CCDC141: variants seen among roughly 807,000 people sequenced by gnomAD.
CCDC141 encodes coiled-coil domain-containing protein 141.
In CCDC141, 168 loss-of-function variants were observed where a neutral mutation model predicts 181.0. That is an observed-to-expected ratio of 0.93 (90% CI 0.82 to 1.05). The LOEUF (loss-of-function observed/expected upper bound fraction) is 1.05, where lower values mean the gene tolerates loss of function less well. CCDC141 is among the 50% of genes least tolerant of loss of function. The pLI, the probability that CCDC141 is intolerant of heterozygous loss-of-function variation, is 0.00. For synonymous variants in CCDC141, 666 were observed against 642.3 expected (o/e 1.04, Z -0.56); for missense variants, 1,902 against 1,788.5 (o/e 1.06, Z -1.14).
chr2:179,029,670 T>G (rs1442101289), intron 2 of CCDC141, among the ~76,000 whole-genome samples: 1 of 152,156 alleles, frequency 6.6e-6, no homozygotes, highest in Non-Finnish European at 1.5e-5. Context: ...AAAATCCTAT[T>G]TGCAAGCTTA....
At chr2:179,015,538 G>GAT (rs1290518598) in intron 2 of CCDC141, among the ~76,000 whole-genome samples, 8 of 75,438 alleles carry the variant, frequency 1.1e-4, no homozygotes, top group Admixed American at 3.3e-4. Flanking sequence ...TCATATATAT[G>GAT]ATATATATAT....
At chr2:178,941,645 G>A (rs576780458) in intron 6 of CCDC141, among the ~76,000 whole-genome samples, 17 of 151,674 alleles carry the variant, frequency 1.1e-4, no homozygotes, top group Admixed American at 8.5e-4. Context: ...ATAAATAAAC[G>A]AACCTCCCCC....
At chr2:178,870,925 C>A (rs1686088736) in intron 14 of CCDC141, among the ~76,000 whole-genome samples, 3 of 151,996 alleles carry the variant, frequency 2.0e-5, no homozygotes, top group Admixed American at 1.3e-4. Context: ...GGTTTTATTG[C>A]TCATATCCTG....
At chr2:179,035,818 C>G (rs1432077384) in intron 2 of CCDC141, among the ~76,000 whole-genome samples, 2 of 152,164 alleles carry the variant, frequency 1.3e-5, no homozygotes, top group African/African-American at 2.4e-5. Flanking sequence ...TCATATTACT[C>G]TAAACAGTCA....
intron 2 of CCDC141, among the ~76,000 whole-genome samples, chr2:178,979,761 G>A (rs1325593974): frequency 6.6e-6 from 1 of 152,124 alleles, no homozygotes; most frequent in South Asian, 2.1e-4. Flanking sequence ...CCACAGTAAA[G>A]ACACTCATGA....
At chr2:178,870,628 G>A (rs1013363772) in intron 14 of CCDC141, among the ~76,000 whole-genome samples, 1 of 152,084 alleles carries the variant, frequency 6.6e-6, no homozygotes, top group South Asian at 2.1e-4. Flanking sequence ...TAGCAGGTGC[G>A]GTGGTTATAC....
chr2:178,933,950 G>A (rs924247770), intron 6 of CCDC141, among the ~76,000 whole-genome samples: 18 of 152,264 alleles, frequency 1.2e-4, no homozygotes, highest in Middle Eastern at 3.4e-3. Flanking sequence ...GTCTGATAAT[G>A]CCAAATCTTC....
the CCDC141 span, among the ~76,000 whole-genome samples, chr2:178,815,738 C>A: frequency 6.6e-6 from 1 of 152,240 alleles, no homozygotes; most frequent in Admixed American, 6.5e-5. Flanking sequence ...ATACCTAATA[C>A]AATGTAAGTG....
chr2:179,003,328 G>A (rs961331258), intron 2 of CCDC141, among the ~76,000 whole-genome samples: 12 of 152,182 alleles, frequency 7.9e-5, no homozygotes, highest in African/African-American at 1.2e-4. Context: ...GGCATGCAGC[G>A]TAACATAGTG....
intron 2 of CCDC141, among the ~76,000 whole-genome samples, chr2:178,979,319 T>C: frequency 6.6e-6 from 1 of 152,166 alleles, no homozygotes; most frequent in Admixed American, 6.5e-5. Context: ...AAAGGCATAA[T>C]TTTTAAAGAG....
intron 2 of CCDC141, among the ~76,000 whole-genome samples, chr2:179,009,719 T>C (rs2042213929): frequency 1.3e-5 from 2 of 151,818 alleles, no homozygotes; most frequent in African/African-American, 2.4e-5. Flanking sequence ...TTAGCTTTGG[T>C]GGTTTAATGC....
intron 8 of CCDC141, among the ~76,000 whole-genome samples, chr2:178,903,501 C>T (rs1298774889): frequency 6.7e-6 from 1 of 149,736 alleles, no homozygotes; most frequent in Non-Finnish European, 1.5e-5. Context: ...TAAACTATCG[C>T]AAGAACAAAA....
chr2:178,892,361 A>G (rs1409000650), intron 8 of CCDC141, among the ~76,000 whole-genome samples: 1 of 152,110 alleles, frequency 6.6e-6, no homozygotes, highest in Non-Finnish European at 1.5e-5. Context: ...GTTTTCATTC[A>G]TCTTGGTTAC....
At chr2:178,968,987 A>G (rs1211936042) in intron 4 of CCDC141, among the ~76,000 whole-genome samples, 2 of 151,992 alleles carry the variant, frequency 1.3e-5, no homozygotes, top group African/African-American at 4.8e-5. Flanking sequence ...ATCTAGAAGA[A>G]ATGGATAAAT....
At chr2:178,919,216 A>T (rs1172596211) in intron 6 of CCDC141, among the ~76,000 whole-genome samples, 1 of 152,240 alleles carries the variant, frequency 6.6e-6, no homozygotes, top group Non-Finnish European at 1.5e-5. Flanking sequence ...TATCTATTGT[A>T]TACAAGCCAT....
intron 2 of CCDC141, among the ~76,000 whole-genome samples, chr2:179,003,460 CTATCT>C (rs1342031338): frequency 6.6e-6 from 1 of 152,196 alleles, no homozygotes; most frequent in African/African-American, 2.4e-5. Flanking sequence ...CTAATAATAA[CTATCT>C]TATAAGATTT....
At chr2:179,049,412 G>A (rs774753246) in intron 1 of CCDC141, among the ~76,000 whole-genome samples, 5 of 151,950 alleles carry the variant, frequency 3.3e-5, no homozygotes, top group East Asian at 1.9e-4. Flanking sequence ...CCTGTCTGTC[G>A]GGACCTGCCT....
At chr2:179,040,339 A>G (rs2043261674) in intron 2 of CCDC141, among the ~76,000 whole-genome samples, 1 of 152,222 alleles carries the variant, frequency 6.6e-6, no homozygotes, top group African/African-American at 2.4e-5. Flanking sequence ...TCTTCTAAAG[A>G]GCATAGAAAA....
intron 4 of CCDC141, among the ~76,000 whole-genome samples, chr2:178,973,259 A>G (rs1489803845): frequency 6.6e-6 from 1 of 152,166 alleles, no homozygotes; most frequent in Non-Finnish European, 1.5e-5. Flanking sequence ...TGGGCATATG[A>G]ACTGGGAACA....
Sources: allele counts gnomAD v4.1 joint callset (sites outside exome capture counted in the v4.1 genomes callset), GRCh38; gene constraint gnomAD v4.1.1; transcripts MANE v1.5; gene names NCBI Gene and HGNC (gene_info 2026-07-23, HGNC 2026-07-21).